KRAS: variants seen among roughly 807,000 people sequenced by gnomAD.
KRAS encodes the protein KRas proto-oncogene, GTPase, also known as GTPase KRas.
Under a neutral mutation model 21.0 loss-of-function variants are expected in KRAS, and 1 was observed. That is an observed-to-expected ratio of 0.05 (90% CI 0.02 to 0.23). KRAS has a LOEUF of 0.23. Among genes scored for constraint, KRAS ranks in the 10% least tolerant of loss-of-function variants. The pLI is 1.00. For missense variants in KRAS, 107 were observed against 221.8 expected, an observed-to-expected ratio of 0.48 and a Z score of 3.29; for synonymous variants, 67 against 72.5, an observed-to-expected ratio of 0.92 and a Z score of 0.39.
chr12:25,243,961 T>C (rs187864023), intron 2 of KRAS, among the ~76,000 whole-genome samples: 2 of 152,344 alleles, frequency 1.3e-5, no homozygotes, highest in African/African-American at 4.8e-5. Flanking sequence ...TAAAGTTGTT[T>C]CTATGTTTAA....
intron 4 of KRAS, chr12:25,215,595 T>G: frequency 6.4e-7 from 1 of 1,557,016 alleles, no homozygotes; most frequent in Non-Finnish European, 8.9e-7. Flanking sequence ...TAAAGTCTGT[T>G]GCATTGGTAA....
rs1470373286 is a variant in KRAS at position 25,209,240 on chromosome 12, G to A, written c.*555C>T. On this transcript the variant is annotated 3_prime_UTR_variant, in exon 5 of 5. Transcript: ENST00000311936. ...GAGAGTGACCATGACTAATAGCAGT[G>A]GAAAGGAGACAAAACCTTTGTGAAC... 1.8e-5 allele frequency: 12 copies of A among 683,396 alleles called. No individual in the cohort carries two copies. The highest frequency in any genetic ancestry group is 5.0e-4 in the Middle Eastern group (2 of 4,016). The allele number at this position is 683,396 out of a possible 1,614,324, so 42.3% of individuals were successfully genotyped here.
intron 4 of KRAS, among the ~76,000 whole-genome samples, chr12:25,216,919 CAGAA>C (rs1401751651): frequency 6.6e-6 from 1 of 152,116 alleles, no homozygotes; most frequent in Admixed American, 6.6e-5. Flanking sequence ...ATTCTTCTAA[CAGAA>C]AGGTGAATAT....
Position 25,205,733 on chromosome 12 carries a change from T to C in KRAS, c.*4062A>G. The C allele has an allele frequency of 4.5e-6, 1 of 222,644 alleles. No homozygotes were observed. Among genetic ancestry groups the C allele is most frequent in the Non-Finnish European group, 9.0e-6 (1 of 111,496 alleles). The allele number at this position is 222,644 out of a possible 1,614,324, so 13.8% of individuals were successfully genotyped here. Reference sequence around the variant, plus strand: ...CTCAACATATCTGCAGATAACTTTTTTTTCCCCTAAATTCATCTAAATTAC... The same window carrying C: ...CTCAACATATCTGCAGATAACTTTTCTTTCCCCTAAATTCATCTAAATTAC... On this transcript the variant is annotated 3_prime_UTR_variant, in exon 5 of 5. Transcript: ENST00000311936.
In KRAS at chr12:25,208,446, A is replaced by C. The variant is rs1452299503; in HGVS notation, c.*1349T>G. ...AAAGTGTTTATGCAATGTTAATTTA[A>C]CCAGTGTTAAGAGAACTAGCCAAAC... On this transcript the variant is annotated 3_prime_UTR_variant, in exon 5 of 5. Coordinates refer to ENST00000311936, the MANE Select transcript of KRAS (RefSeq NM_004985.5). 9 of 233,190 alleles carry C rather than the reference A, an allele frequency of 3.9e-5. No individual in the cohort carries two copies. The highest frequency in any genetic ancestry group is 2.0e-4 in the African/African-American group (9 of 45,328). 14.4% of individuals were successfully genotyped at this position (233,190 alleles called of 1,614,324 possible).
chr12:25,238,114 CTTT>C (rs1300322389), intron 2 of KRAS, among the ~76,000 whole-genome samples: 5 of 152,154 alleles, frequency 3.3e-5, no homozygotes, highest in Non-Finnish European at 7.3e-5. Flanking sequence ...ACAAAGACTT[CTTT>C]ACTAAATGCT....
At chr12:25,212,615 A>C (rs1045785885) in intron 4 of KRAS, among the ~76,000 whole-genome samples, 1 of 152,182 alleles carries the variant, frequency 6.6e-6, no homozygotes, top group African/African-American at 2.4e-5. Flanking sequence ...TCGTGAAGGA[A>C]ATGTCACAAC....
chr12:25,225,554 A>G (rs984982309), intron 4 of KRAS, 60 bp downstream of exon 4: 14 of 1,482,424 alleles, frequency 9.4e-6, no homozygotes, highest in Non-Finnish European at 1.3e-5. Flanking sequence ...GATATATTAA[A>G]TGACATAACA....
At chr12:25,237,254 G>A (rs981076620) in intron 2 of KRAS, among the ~76,000 whole-genome samples, 4 of 152,180 alleles carry the variant, frequency 2.6e-5, no homozygotes, top group African/African-American at 9.7e-5. Flanking sequence ...GGATTGGGGA[G>A]TGGCTGCTAA....
chr12:25,220,963 T>C (rs1260178923), intron 4 of KRAS, among the ~76,000 whole-genome samples: 1 of 140,270 alleles, frequency 7.1e-6, no homozygotes. Flanking sequence ...AGGAGGAGGT[T>C]GCAATCAGCC....
Position 25,242,190 on chromosome 12 carries a change from AG to A in KRAS, c.111+3083del, listed in dbSNP as rs1266141196. On this transcript the variant is annotated intron_variant, in intron 2 of 4. Coordinates refer to ENST00000311936, the MANE Select transcript of KRAS (RefSeq NM_004985.5). ...GGCATAATACTTGAACTGAATTATA[AG>A]TGCCACAATAAAAGCATGCTGATGT... Among the ~76,000 whole-genome samples the A allele has an allele frequency of 4.6e-5, 7 of 152,202 alleles. No individual in the cohort carries two copies. The East Asian group carries it at 1.3e-3, about 29-fold the overall frequency.
At chr12:25,211,036 G>A (rs940072479) in intron 4 of KRAS, 2 of 152,090 alleles carry the variant, frequency 1.3e-5, no homozygotes, top group Non-Finnish European at 2.9e-5. Context: ...GTTCAACTGA[G>A]TAGTAACTAT....
intron 2 of KRAS, among the ~76,000 whole-genome samples, chr12:25,232,161 A>C (rs1951481730): frequency 6.6e-6 from 1 of 152,194 alleles, no homozygotes; most frequent in African/African-American, 2.4e-5. Flanking sequence ...ATTTGGAGGA[A>C]GAAAAAAAAA....
At position 25,213,101 on chromosome 12, in the gene KRAS, A is replaced by T. The variant is rs1048547621; in HGVS notation, c.451-3190T>A. Among the ~76,000 whole-genome samples the T allele has an allele frequency of 3.3e-5, 5 of 152,042 alleles. 1 individual carries two copies. Among genetic ancestry groups the T allele is most frequent in the Admixed American group, 1.3e-4 (2 of 15,256 alleles). ...TTTTTTTAAATTGTATTTAATTTTAAATTTTTAATTACCAAGTATACTTCT... is the reference window on the plus strand; with the variant it reads ...TTTTTTTAAATTGTATTTAATTTTATATTTTTAATTACCAAGTATACTTCT... On this transcript the variant is annotated intron_variant, in intron 4 of 4. Coordinates refer to ENST00000311936, the MANE Select transcript of KRAS (RefSeq NM_004985.5).
intron 1 of KRAS, among the ~76,000 whole-genome samples, chr12:25,249,608 A>AAAAAAAAAAAAAAG (rs1592827940): frequency 1.3e-5 from 2 of 149,238 alleles, no homozygotes; most frequent in Admixed American, 6.7e-5. Context: ...AAAAAAAAAA[A>AAAAAAAAAAAAAAG]GGAGATGCAC....
At chr12:25,213,899 T>A (rs1025638826) in intron 4 of KRAS, among the ~76,000 whole-genome samples, 5 of 152,202 alleles carry the variant, frequency 3.3e-5, no homozygotes, top group African/African-American at 1.2e-4. Context: ...CAATAAATAT[T>A]TACTGGGTAG....
Position 25,206,035 on chromosome 12 carries a change from T to G in KRAS, c.*3760A>C, listed in dbSNP as rs1137196. Reference sequence around the variant, plus strand: ...CATTACTTTTTGACAAATGGAAATCTTCAGATAGTTTTTGCTGTCTAAAAA... The same window carrying G: ...CATTACTTTTTGACAAATGGAAATCGTCAGATAGTTTTTGCTGTCTAAAAA... On this transcript the variant is annotated 3_prime_UTR_variant, in exon 5 of 5. Coordinates refer to ENST00000311936, the MANE Select transcript of KRAS (RefSeq NM_004985.5). 0.4 allele frequency: 83,496 copies of G among 207,204 alleles called. 19,688 individuals carry two copies. Among genetic ancestry groups the G allele is most frequent in the East Asian group, 0.78 (10,390 of 13,250 alleles). 12.8% of individuals were successfully genotyped at this position (207,204 alleles called of 1,614,324 possible). A position where few individuals can be genotyped will look rare whatever the true frequency, so the allele number is the denominator to read the frequency against.
At chr12:25,215,022 C>T (rs1230581211) in intron 4 of KRAS, 1 of 155,230 alleles carries the variant, frequency 6.4e-6, no homozygotes, top group African/African-American at 2.6e-5. Context: ...TTAAGAGTGG[C>T]TTTTTCCCAC....
chr12:25,223,999 T>G (rs1951358581), intron 4 of KRAS, among the ~76,000 whole-genome samples: 1 of 152,068 alleles, frequency 6.6e-6, no homozygotes, highest in Middle Eastern at 3.4e-3. Flanking sequence ...AGTGGTCCCA[T>G]AAGATTATAA....
Sources: allele counts gnomAD v4.1 joint callset (sites outside exome capture counted in the v4.1 genomes callset), GRCh38; gene constraint gnomAD v4.1.1; transcripts MANE v1.5; gene names NCBI Gene and HGNC (gene_info 2026-07-23, HGNC 2026-07-21).